PAK5: variants seen among roughly 807,000 people sequenced by gnomAD.
PAK5 encodes serine/threonine-protein kinase PAK 5.
A neutral mutation model predicts 65.9 loss-of-function variants in PAK5; 16 were observed. The ratio of observed to expected loss-of-function variants is 0.24; its 90% CI spans 0.16 to 0.37. The LOEUF (loss-of-function observed/expected upper bound fraction) is 0.37, where lower values mean the gene tolerates loss of function less well. Among genes scored for constraint, PAK5 ranks in the 10% least tolerant of loss-of-function variants. The pLI is 1.00. For missense variants in PAK5, 785 were observed against 903.9 expected, an observed-to-expected ratio of 0.87 and a Z score of 1.69; for synonymous variants, 371 against 354.9, an observed-to-expected ratio of 1.05 and a Z score of -0.51.
At chr20:9,721,734 G>T (rs573975923) in intron 1 of PAK5, among the ~76,000 whole-genome samples, 299 of 147,890 alleles carry the variant, frequency 2.0e-3, no homozygotes, top group Middle Eastern at 3.5e-3. Flanking sequence ...CATAGTTTTT[G>T]TGTGTGTGTG....
chr20:9,565,326 C>A (rs2045657686), intron 5 of PAK5, among the ~76,000 whole-genome samples: 1 of 152,138 alleles, frequency 6.6e-6, no homozygotes, highest in Non-Finnish European at 1.5e-5. Context: ...TCTTTACTTT[C>A]CATGTATTCT....
chr20:9,569,846 G>A (rs945994649), intron 4 of PAK5, among the ~76,000 whole-genome samples: 8 of 151,794 alleles, frequency 5.3e-5, no homozygotes, highest in African/African-American at 1.9e-4. Flanking sequence ...AGCCCTTCCA[G>A]CTTCAAAAAC....
At chr20:9,639,183 A>G (rs2047019372) in intron 3 of PAK5, among the ~76,000 whole-genome samples, 1 of 152,172 alleles carries the variant, frequency 6.6e-6, no homozygotes, top group Non-Finnish European at 1.5e-5. Flanking sequence ...TTTCCAGAGA[A>G]GCCATTTTCA....
At chr20:9,558,418 T>A (rs2045544382) in intron 6 of PAK5, among the ~76,000 whole-genome samples, 1 of 152,132 alleles carries the variant, frequency 6.6e-6, no homozygotes. Context: ...CGGGGCTCCA[T>A]GAACTCTTAA....
At chr20:9,589,103 T>A (rs1380226187) in intron 3 of PAK5, among the ~76,000 whole-genome samples, 1 of 152,222 alleles carries the variant, frequency 6.6e-6, no homozygotes, top group Non-Finnish European at 1.5e-5. Flanking sequence ...AAAAGCAGTA[T>A]CTTCTGTGTG....
intron 2 of PAK5, among the ~76,000 whole-genome samples, chr20:9,703,570 T>A (rs894475824): frequency 6.6e-6 from 1 of 152,116 alleles, no homozygotes; most frequent in African/African-American, 2.4e-5. Flanking sequence ...ATAAACTGTA[T>A]GCTTTTTGCA....
At chr20:9,596,496 C>T (rs1319838854) in intron 3 of PAK5, among the ~76,000 whole-genome samples, 3 of 151,604 alleles carry the variant, frequency 2.0e-5, no homozygotes, top group Admixed American at 1.3e-4. Context: ...ATTAGCCGGG[C>T]GTGGTGGTGG....
chr20:9,627,102 G>A (rs2046855029), intron 3 of PAK5, among the ~76,000 whole-genome samples: 1 of 152,134 alleles, frequency 6.6e-6, no homozygotes, highest in Non-Finnish European at 1.5e-5. Flanking sequence ...CTCAAAGGAA[G>A]CACATTTTCT....
chr20:9,623,483 T>C (rs2046800075), intron 3 of PAK5, among the ~76,000 whole-genome samples: 1 of 152,206 alleles, frequency 6.6e-6, no homozygotes, highest in South Asian at 2.1e-4. Context: ...TGAGTTATGA[T>C]ACTAAATATA....
chr20:9,622,879 G>A (rs1275566972), intron 3 of PAK5, among the ~76,000 whole-genome samples: 1 of 152,186 alleles, frequency 6.6e-6, no homozygotes, highest in East Asian at 1.9e-4. Context: ...AACACACCTG[G>A]TGTGTGCTCA....
intron 1 of PAK5, among the ~76,000 whole-genome samples, chr20:9,766,093 G>A (rs928409046): frequency 3.9e-4 from 59 of 151,686 alleles, no homozygotes; most frequent in East Asian, 9.8e-4. Context: ...GTGGTGGTGC[G>A]AGCACGTAGT....
chr20:9,646,126 G>A (rs1215435214), intron 2 of PAK5, among the ~76,000 whole-genome samples: 3 of 152,228 alleles, frequency 2.0e-5, no homozygotes, highest in Non-Finnish European at 2.9e-5. Flanking sequence ...TAGCATGTGC[G>A]GTTGGAGCTC....
intron 1 of PAK5, among the ~76,000 whole-genome samples, chr20:9,814,441 A>C (rs564938348): frequency 5.8e-4 from 89 of 152,304 alleles, no homozygotes; most frequent in Non-Finnish European, 1.1e-3. Flanking sequence ...TTCATTGACC[A>C]AGAATTTAAT....
At chr20:9,681,095 G>A (rs1002957179) in intron 2 of PAK5, among the ~76,000 whole-genome samples, 2 of 152,174 alleles carry the variant, frequency 1.3e-5, no homozygotes, top group East Asian at 1.9e-4. Context: ...ATTAAGAATC[G>A]TTATATCTTT....
chr20:9,774,825 G>A (rs917817708), intron 1 of PAK5, among the ~76,000 whole-genome samples: 1 of 151,986 alleles, frequency 6.6e-6, no homozygotes, highest in Non-Finnish European at 1.5e-5. Flanking sequence ...GTGTGATGGT[G>A]GGCGCCTGTA....
chr20:9,546,510 G>A (rs578138650), intron 7 of PAK5, among the ~76,000 whole-genome samples: 39 of 152,312 alleles, frequency 2.6e-4, no homozygotes, highest in African/African-American at 8.7e-4. Flanking sequence ...CTTGGGATAT[G>A]AGTGGTAGTG....
At chr20:9,767,189 CT>C (rs1249000500) in intron 1 of PAK5, among the ~76,000 whole-genome samples, 2 of 152,078 alleles carry the variant, frequency 1.3e-5, no homozygotes, top group Non-Finnish European at 2.9e-5. Context: ...ATCAAAATTA[CT>C]CATTTTGATT....
intron 3 of PAK5, among the ~76,000 whole-genome samples, chr20:9,626,608 C>T (rs116580282): frequency 0.01 from 1,573 of 152,290 alleles, 36 homozygotes; most frequent in African/African-American, 0.036. Context: ...GGTATCCAAC[C>T]TGGTTCCAAG....
chr20:9,838,566 A>G lies in PAK5; in HGVS notation c.-162+196T>C, dbSNP rs1006802938. Among the ~76,000 whole-genome samples the G allele has an allele frequency of 3.3e-5, 5 of 152,040 alleles. No individual in the cohort carries two copies. Among genetic ancestry groups the G allele is most frequent in the Admixed American group, 2.6e-4 (4 of 15,264 alleles). ...ATGGGTTGAGGGTGGGCGGTCCCCT[A>G]TCCCTACCCTCCAGGCAGCAGGTCC... On this transcript the variant is annotated intron_variant, in intron 1 of 9. Transcript: ENST00000353224. This position sits in a 1 kb window ranked among gnomAD's most constrained non-coding sequence, Gnocchi z 4.5.
Sources: gnomAD v4.1 joint callset for allele counts (sites outside exome capture counted in the v4.1 genomes callset) on GRCh38, gnomAD v4.1.1 for gene constraint, Gnocchi (gnomAD v3.1) non-coding constraint, MANE v1.5 for transcripts, NCBI Gene and HGNC (gene_info 2026-07-23, HGNC 2026-07-21) for gene names.